ATXN1: variants seen among roughly 807,000 people sequenced by gnomAD.
The protein encoded by ATXN1 is ataxin-1.
Under a neutral mutation model 56.4 loss-of-function variants are expected in ATXN1, and 8 were observed. The ratio of observed to expected loss-of-function variants is 0.14; its 90% CI spans 0.08 to 0.26. The LOEUF (loss-of-function observed/expected upper bound fraction) is 0.26. ATXN1 is among the 10% of genes least tolerant of loss of function. The probability of loss-of-function intolerance (pLI) is 1.00; values close to 1 mark genes in which losing one functional copy is unlikely to be tolerated. For synonymous variants in ATXN1, 514 were observed against 494.6 expected (o/e 1.04, Z -0.52); for missense variants, 987 against 1,106.5 (o/e 0.89, Z 1.53).
intron 6 of ATXN1, among the ~76,000 whole-genome samples, chr6:16,333,081 C>T (rs750548208): frequency 6.6e-6 from 1 of 152,264 alleles, no homozygotes; most frequent in Admixed American, 6.5e-5. Context: ...AGGTGTTGTA[C>T]GTAAACACAG....
At chr6:16,352,342 A>T (rs1761587258) in intron 6 of ATXN1, among the ~76,000 whole-genome samples, 1 of 152,206 alleles carries the variant, frequency 6.6e-6, no homozygotes, top group African/African-American at 2.4e-5. Context: ...CCAGCCAGGG[A>T]GTCTAATGCA....
chr6:16,504,219 C>T (rs1050269610), intron 5 of ATXN1, among the ~76,000 whole-genome samples: 1 of 152,178 alleles, frequency 6.6e-6, no homozygotes, highest in African/African-American at 2.4e-5. Context: ...GGATAATTTT[C>T]CTAAGCCCTC....
At chr6:16,363,708 A>G (rs894999029) in intron 6 of ATXN1, among the ~76,000 whole-genome samples, 7 of 152,196 alleles carry the variant, frequency 4.6e-5, no homozygotes, top group African/African-American at 1.4e-4. Context: ...AATTTCACCT[A>G]TCTTCCCCCT....
At chr6:16,654,432 T>C (rs1003461780) in intron 3 of ATXN1, among the ~76,000 whole-genome samples, 1 of 151,056 alleles carries the variant, frequency 6.6e-6, no homozygotes, top group Non-Finnish European at 1.5e-5. Flanking sequence ...TAATCCCAGC[T>C]ACTCAGGAGG....
chr6:16,498,113 A>G (rs977940455), intron 5 of ATXN1, among the ~76,000 whole-genome samples: 1 of 152,162 alleles, frequency 6.6e-6, no homozygotes, highest in Admixed American at 6.5e-5. Context: ...GATTGTCATC[A>G]TCCCCCTTAT....
chr6:16,300,829 C>T lies in ATXN1; in HGVS notation c.*5500G>A, dbSNP rs1270705330. 2 of 152,556 alleles carry T rather than the reference C, an allele frequency of 1.3e-5. No homozygotes were observed. Among genetic ancestry groups the T allele is most frequent in the African/African-American group, 2.4e-5 (1 of 41,432 alleles). 9.5% of individuals were successfully genotyped at this position (152,556 alleles called of 1,614,324 possible). ...TCTGAAGAAAAAGAAGTTGCAATGG[C>T]TTAAGAGTTTAGACTAAGAAGGGAG... On this transcript the variant is annotated 3_prime_UTR_variant, in exon 8 of 8. Transcript: ENST00000436367.
intron 3 of ATXN1, among the ~76,000 whole-genome samples, chr6:16,647,815 C>T (rs1033114256): frequency 6.6e-6 from 1 of 152,218 alleles, no homozygotes; most frequent in Non-Finnish European, 1.5e-5. Flanking sequence ...GTGGCTCACG[C>T]CTGTAATCCC....
intron 6 of ATXN1, among the ~76,000 whole-genome samples, chr6:16,379,240 C>T (rs773683535): frequency 3.9e-5 from 6 of 152,022 alleles, no homozygotes; most frequent in Non-Finnish European, 7.4e-5. Context: ...AATGATACAG[C>T]GGACTTTGGG....
chr6:16,492,821 T>A (rs1760695992), intron 5 of ATXN1, among the ~76,000 whole-genome samples: 1 of 152,158 alleles, frequency 6.6e-6, no homozygotes, highest in South Asian at 2.1e-4. Context: ...GTCCCTGGTA[T>A]CTCCCCCTAC....
chr6:16,449,104 T>A (rs772444548), intron 6 of ATXN1, among the ~76,000 whole-genome samples: 1 of 152,096 alleles, frequency 6.6e-6, no homozygotes, highest in Non-Finnish European at 1.5e-5. Context: ...AGTGACATCC[T>A]GTTTCTCAGG....
At chr6:16,513,624 G>A (rs1419728016) in intron 5 of ATXN1, among the ~76,000 whole-genome samples, 2 of 152,156 alleles carry the variant, frequency 1.3e-5, no homozygotes, top group South Asian at 4.1e-4. Flanking sequence ...ATGTAAAAGG[G>A]ACTGAAATGA....
intron 6 of ATXN1, among the ~76,000 whole-genome samples, chr6:16,426,721 T>C (rs1759163554): frequency 6.6e-6 from 1 of 152,118 alleles, no homozygotes; most frequent in African/African-American, 2.4e-5. Context: ...CCCCCATTTG[T>C]ACATCTCTGT....
At chr6:16,693,102 G>A (rs996271374) in intron 2 of ATXN1, among the ~76,000 whole-genome samples, 2 of 152,136 alleles carry the variant, frequency 1.3e-5, no homozygotes, top group Non-Finnish European at 2.9e-5. Context: ...GATGAGAATC[G>A]TAATAGTACC....
intron 6 of ATXN1, among the ~76,000 whole-genome samples, chr6:16,369,207 TC>T (rs1168173151): frequency 1.3e-5 from 2 of 152,190 alleles, no homozygotes; most frequent in African/African-American, 4.8e-5. Context: ...CTTCTAAAAC[TC>T]CTCTCTTGTT....
chr6:16,655,448 T>C (rs1758178301), intron 3 of ATXN1, among the ~76,000 whole-genome samples: 1 of 152,168 alleles, frequency 6.6e-6, no homozygotes, highest in African/African-American at 2.4e-5. Flanking sequence ...TGAAGCTGTG[T>C]GTACCCCTGA....
chr6:16,681,275 G>A (rs764948171), intron 2 of ATXN1, among the ~76,000 whole-genome samples: 10 of 152,196 alleles, frequency 6.6e-5, no homozygotes, highest in South Asian at 2.1e-4. Flanking sequence ...AGGCAGGTCC[G>A]CACTGCACAG....
chr6:16,761,450 G>T lies in ATXN1; in HGVS notation c.-882C>A, dbSNP rs1183601045. On this transcript the variant is annotated 5_prime_UTR_variant, in exon 1 of 8. Coordinates refer to ENST00000436367, the MANE Select transcript of ATXN1 (RefSeq NM_001128164.2). ...ACAGGTCCTGTACGGCTCCGCCACT[G>T]TAGTAGAAATGATGTCTGCGGTATA... 3 of 456,916 alleles carry T rather than the reference G, an allele frequency of 6.6e-6. No individual in the cohort carries two copies. The highest frequency in any genetic ancestry group is 1.3e-5 in the Non-Finnish European group (3 of 226,874). The allele number at this position is 456,916 out of a possible 1,614,324, so 28.3% of individuals were successfully genotyped here.
intron 6 of ATXN1, among the ~76,000 whole-genome samples, chr6:16,440,649 A>AAAAAAAAAAG (rs56105499): frequency 8.8e-6 from 1 of 113,660 alleles, no homozygotes. Context: ...TTAAAAAAAA[A>AAAAAAAAAAG]AAAGAAAAGA....
intron 6 of ATXN1, among the ~76,000 whole-genome samples, chr6:16,382,143 A>C (rs1758138557): frequency 6.6e-6 from 1 of 152,152 alleles, no homozygotes. Context: ...CAGGAGTTTA[A>C]GACCAGCCTG....
Sources: allele counts gnomAD v4.1 joint callset (sites outside exome capture counted in the v4.1 genomes callset), GRCh38; gene constraint gnomAD v4.1.1; transcripts MANE v1.5; gene names NCBI Gene and HGNC (gene_info 2026-07-23, HGNC 2026-07-21).